The following ZNF423 variants were observed in gnomAD, a reference collection of about 807,000 sequenced individuals.
The protein encoded by ZNF423 is Ebf-associated zinc finger protein.
ZNF423 carries 12 observed loss-of-function variants against 95.8 expected under a neutral mutation model. The observed-to-expected ratio is 0.13, with a 90% CI of 0.08 to 0.20. ZNF423 has a LOEUF of 0.20. Among genes scored for constraint, ZNF423 ranks in the 10% least tolerant of loss-of-function variants. The pLI is 1.00. For synonymous variants in ZNF423, 749 were observed against 711.9 expected, an observed-to-expected ratio of 1.05 and a Z score of -0.83; for missense variants, 1,316 against 1,737.1, an observed-to-expected ratio of 0.76 and a Z score of 4.31.
chr16:49,625,302 A>G (rs1232215787), intron 5 of ZNF423, among the ~76,000 whole-genome samples: 1 of 152,152 alleles, frequency 6.6e-6, no homozygotes, highest in East Asian at 1.9e-4. Flanking sequence ...GCAGTGAGCA[A>G]AGATTGCACC....
intron 1 of ZNF423, chr16:49,854,827 T>C (rs2035341073): frequency 1.0e-6 from 1 of 985,066 alleles, no homozygotes. Flanking sequence ...GACGAAGGGA[T>C]GGGTGTGTGT....
chr16:49,732,556 G>T (rs572200679), intron 2 of ZNF423, among the ~76,000 whole-genome samples: 2 of 152,192 alleles, frequency 1.3e-5, no homozygotes, highest in Non-Finnish European at 1.5e-5. Flanking sequence ...GCAAAAGTGC[G>T]TGTATGTGCA....
At chr16:49,544,085 C>A (rs1295322207) in intron 5 of ZNF423, among the ~76,000 whole-genome samples, 1 of 152,236 alleles carries the variant, frequency 6.6e-6, no homozygotes, top group African/African-American at 2.4e-5. Flanking sequence ...TCTACCCATC[C>A]ATCCATCCAC....
At position 49,635,825 on chromosome 16, in the gene ZNF423, C is replaced by T. The variant is rs113531514; in HGVS notation, c.3351G>A (p.Pro1117=). 5,579 of 1,607,256 alleles carry T rather than the reference C, an allele frequency of 3.5e-3. 147 individuals carry two copies. In the African/African-American group the frequency reaches 0.06, roughly 17 times the overall value. ...SANGQVGGLA[P]PEPADRPCAG... ...CACAGGGCCGGTCGGCGGGCTCGGG[C>T]GGGGCCAGGCCACCCACCTGTCCGT... Residue 1117 remains proline, a synonymous_variant, in exon 4 of 8, where the codon CCG becomes CCA. Coordinates refer to ENST00000563137, the MANE Select transcript of ZNF423 (RefSeq NM_001379286.1). This position sits in a 1 kb window ranked among gnomAD's most constrained non-coding sequence, Gnocchi z 4.8.
rs377512551 is a variant in ZNF423 at position 49,492,664 on chromosome 16, G to T, written c.3850-1360C>A. On this transcript the variant is annotated intron_variant, in intron 7 of 7. Coordinates refer to ENST00000563137, the MANE Select transcript of ZNF423 (RefSeq NM_001379286.1). This position sits in a 1 kb window ranked among gnomAD's most constrained non-coding sequence, Gnocchi z 4.2. ...CTGCCTCCCAGCAGATGCCCACAGC[G>T]CCAAGCGACAGCCTCGTGCTCATGC... 8.5e-5 allele frequency among the ~76,000 whole-genome samples: 13 copies of T among 152,348 alleles called. No homozygotes were observed. In the East Asian group the frequency reaches 2.5e-3, roughly 29 times the overall value.
At chr16:49,537,981 G>C (rs1969113028) in intron 5 of ZNF423, among the ~76,000 whole-genome samples, 1 of 152,196 alleles carries the variant, frequency 6.6e-6, no homozygotes, top group Non-Finnish European at 1.5e-5. Flanking sequence ...CCAGAGCCCA[G>C]CCAGCCCTCC....
At chr16:49,656,798 G>GA (rs1353367177) in intron 3 of ZNF423, among the ~76,000 whole-genome samples, 2 of 151,842 alleles carry the variant, frequency 1.3e-5, no homozygotes, top group African/African-American at 4.8e-5. Context: ...TTGTCTCCAA[G>GA]AAAAAAAATG....
intron 3 of ZNF423, among the ~76,000 whole-genome samples, chr16:49,658,102 T>C (rs1428772853): frequency 2.0e-5 from 3 of 152,216 alleles, no homozygotes; most frequent in Admixed American, 6.5e-5. Flanking sequence ...AAAGATGTAA[T>C]TGGGTTAAAC....
intron 2 of ZNF423, among the ~76,000 whole-genome samples, chr16:49,739,559 C>A (rs1277466206): frequency 2.0e-5 from 3 of 152,164 alleles, no homozygotes; most frequent in African/African-American, 4.8e-5. Flanking sequence ...GGGGTGTGAT[C>A]AGCTTACAAC....
intron 3 of ZNF423, among the ~76,000 whole-genome samples, chr16:49,727,335 G>C (rs1200657344): frequency 5.9e-5 from 9 of 152,146 alleles, no homozygotes; most frequent in Non-Finnish European, 1.3e-4. Context: ...CTCCAGGTTG[G>C]GGACGGGGGG....
At chr16:49,770,943 C>T (rs867904692) in intron 2 of ZNF423, among the ~76,000 whole-genome samples, 1 of 152,196 alleles carries the variant, frequency 6.6e-6, no homozygotes, top group East Asian at 1.9e-4. Flanking sequence ...CCCACCTTCC[C>T]TCCCTCGCAC....
intron 3 of ZNF423, among the ~76,000 whole-genome samples, chr16:49,645,999 G>C (rs1973157265): frequency 6.6e-6 from 1 of 152,152 alleles, no homozygotes; most frequent in Non-Finnish European, 1.5e-5. Context: ...AAATTACCCA[G>C]TCTTGGGTAT....
intron 1 of ZNF423, among the ~76,000 whole-genome samples, chr16:49,792,018 A>AAAAAAAAAG (rs57175853): frequency 4.2e-4 from 58 of 138,238 alleles, no homozygotes; most frequent in Middle Eastern, 3.9e-3. Context: ...AAAAAAAAAA[A>AAAAAAAAAG]AAAGAAAGAA....
chr16:49,638,822 C>T lies in ZNF423; in HGVS notation c.354G>A (p.Lys118=), dbSNP rs1972863457. Residue 118 remains lysine, a synonymous_variant, in exon 4 of 8, where the codon AAG becomes AAA. Transcript: ENST00000563137. This position sits in a 1 kb window ranked among gnomAD's most constrained non-coding sequence, Gnocchi z 5.6. ...LSWVASSPSS[K]DVASPTQMIG... ...TCATCTGCGTGGGTGACGCAACATC[C>T]TTGCTGGAGGGAGACGAGGCCACCC... is the stretch of plus-strand genomic sequence containing the variant. 8 of 1,613,664 alleles carry T rather than the reference C, an allele frequency of 5.0e-6. No homozygotes were observed. Among genetic ancestry groups the T allele is most frequent in the Non-Finnish European group, 6.8e-6 (8 of 1,179,698 alleles).
rs895774555 is a variant in ZNF423, at chr16:49,492,784, G to A, written c.3850-1480C>T. 1.3e-5 allele frequency among the ~76,000 whole-genome samples: 2 copies of A among 152,208 alleles called. No homozygotes were observed. The highest frequency in any genetic ancestry group is 4.8e-5 in the African/African-American group (2 of 41,450). Reference sequence around the variant, plus strand: ...TCAATCCTCACAACAGCCTTGCGAGGTGGGACTTCTTAAGATGAAGACACC... The same window carrying A: ...TCAATCCTCACAACAGCCTTGCGAGATGGGACTTCTTAAGATGAAGACACC... On this transcript the variant is annotated intron_variant, in intron 7 of 7. Transcript: ENST00000563137. The surrounding 1 kb of genome is among the most constrained non-coding windows in gnomAD (Gnocchi z 4.2).
At chr16:49,724,531 C>T (rs533571596) in intron 3 of ZNF423, among the ~76,000 whole-genome samples, 33 of 152,296 alleles carry the variant, frequency 2.2e-4, no homozygotes, top group Non-Finnish European at 4.3e-4. Context: ...GTTCGAGGAG[C>T]GCCGCAAGTC....
chr16:49,608,161 TC>T (rs1196930818), intron 5 of ZNF423, among the ~76,000 whole-genome samples: 2 of 152,088 alleles, frequency 1.3e-5, no homozygotes, highest in Non-Finnish European at 2.9e-5. Context: ...CCTCATCAGC[TC>T]CTAGGAGGAT....
At chr16:49,822,802 A>G (rs1167660820) in intron 1 of ZNF423, 7 of 1,340,830 alleles carry the variant, frequency 5.2e-6, no homozygotes, top group Non-Finnish European at 7.2e-6. Flanking sequence ...TCCTGGTGAA[A>G]TAACACTTGT....
At chr16:49,561,583 T>C (rs764456311) in intron 5 of ZNF423, among the ~76,000 whole-genome samples, 10 of 152,212 alleles carry the variant, frequency 6.6e-5, no homozygotes, top group Admixed American at 2.6e-4. Context: ...AATCTGCTCT[T>C]CCAAAATATA....
Sources: gnomAD v4.1 joint callset for allele counts (sites outside exome capture counted in the v4.1 genomes callset) on GRCh38, gnomAD v4.1.1 for gene constraint, Gnocchi (gnomAD v3.1) non-coding constraint, MANE v1.5 for transcripts, NCBI Gene and HGNC (gene_info 2026-07-23, HGNC 2026-07-21) for gene names.